Variants in PAH observed in about 807,000 individuals in gnomAD.
PAH encodes the protein phenylalanine-4-hydroxylase.
PAH carries 64 observed loss-of-function variants against 62.0 expected under a neutral mutation model. That is an observed-to-expected ratio of 1.03 (90% CI 0.84 to 1.27). PAH has a LOEUF of 1.27. PAH is among the 50% of genes most tolerant of loss of function. The pLI, the probability that PAH is intolerant of heterozygous loss-of-function variation, is 0.00. For synonymous variants in PAH, 195 were observed against 196.2 expected (o/e 0.99, Z 0.05); for missense variants, 579 against 542.8 (o/e 1.07, Z -0.66).
At chr12:102,892,023 G>A (rs539044992) in intron 3 of PAH, among the ~76,000 whole-genome samples, 36 of 152,296 alleles carry the variant, frequency 2.4e-4, no homozygotes, top group Non-Finnish European at 4.4e-4. Flanking sequence ...GAAGCAGCTT[G>A]GGAGGCTGAA....
At chr12:102,905,985 C>T (rs917345567) in intron 2 of PAH, among the ~76,000 whole-genome samples, 3 of 152,018 alleles carry the variant, frequency 2.0e-5, no homozygotes, top group Non-Finnish European at 4.4e-5. Context: ...TTGTAACACA[C>T]ATAACAGTAT....
chr12:102,885,330 C>T (rs568256993), intron 3 of PAH, among the ~76,000 whole-genome samples: 2 of 152,364 alleles, frequency 1.3e-5, no homozygotes, highest in Non-Finnish European at 2.9e-5. Context: ...CTGACCCCAG[C>T]GACCCAGGCC....
intron 1 of PAH, among the ~76,000 whole-genome samples, chr12:102,941,704 A>G (rs74345887): frequency 0.032 from 4,809 of 152,202 alleles, 260 homozygotes; most frequent in African/African-American, 0.11. Context: ...CAAAAATAGC[A>G]GGAAACTATC....
At chr12:102,851,859 C>G (rs182271873) in intron 7 of PAH, 103 bp from the exon 8 acceptor site, 16 of 845,770 alleles carry the variant, frequency 1.9e-5, no homozygotes, top group Middle Eastern at 2.2e-4. Context: ...GGAAATAACT[C>G]TTTTAGGCTT....
At chr12:102,917,648 C>G, upstream of PAH, 1 of 213,738 alleles carries the variant, frequency 4.7e-6, no homozygotes, top group South Asian at 8.0e-5. Flanking sequence ...TGTTGTTTTC[C>G]CTTCTGTTAA....
intron 2 of PAH, among the ~76,000 whole-genome samples, chr12:102,898,613 A>G (rs1877608330): frequency 6.6e-6 from 1 of 152,184 alleles, no homozygotes; most frequent in Non-Finnish European, 1.5e-5. Context: ...CTTAAGTAAC[A>G]CTTTATAGTA....
intron 4 of PAH, among the ~76,000 whole-genome samples, chr12:102,875,901 C>T (rs1269686355): frequency 6.6e-6 from 1 of 150,420 alleles, no homozygotes; most frequent in Non-Finnish European, 1.5e-5. Context: ...CACACACACA[C>T]ATATTTGTGT....
intron 1 of PAH, among the ~76,000 whole-genome samples, chr12:102,937,650 T>C (rs914711656): frequency 1.3e-5 from 2 of 152,198 alleles, no homozygotes; most frequent in African/African-American, 4.8e-5. Flanking sequence ...GTTGTAGTTA[T>C]TATTTTTTAT....
At chr12:102,893,719 T>C (rs369987550) in intron 3 of PAH, among the ~76,000 whole-genome samples, 2 of 152,224 alleles carry the variant, frequency 1.3e-5, no homozygotes, top group Non-Finnish European at 2.9e-5. Flanking sequence ...CCACAGTCTA[T>C]TCAACTTCAA....
rs1041482833 is a variant in PAH at position 102,883,670 on chromosome 12, C to T, written c.353-6120G>A. Among the ~76,000 whole-genome samples the T allele has an allele frequency of 2.0e-4, 30 of 152,272 alleles. 1 individual carries two copies. Among genetic ancestry groups the T allele is most frequent in the Middle Eastern group, 3.4e-3 (1 of 294 alleles). Reference sequence around the variant, plus strand: ...TTGTCGCAGAGGCTGTGAGGGACCCCGAGGTAGCACTGCGAGGCTGCAGGG... The same window carrying T: ...TTGTCGCAGAGGCTGTGAGGGACCCTGAGGTAGCACTGCGAGGCTGCAGGG... On this transcript the variant is annotated intron_variant, in intron 3 of 12. Transcript: ENST00000553106.
At chr12:102,927,148 C>G (rs17842950) in intron 1 of PAH, among the ~76,000 whole-genome samples, 22,841 of 151,932 alleles carry the variant, frequency 0.15, 1,781 homozygotes, top group African/African-American at 0.16. Context: ...GACATCAAAT[C>G]CAAAGTTATC....
chr12:102,869,275 C>G (rs906607006), intron 4 of PAH, among the ~76,000 whole-genome samples: 1 of 152,122 alleles, frequency 6.6e-6, no homozygotes, highest in African/African-American at 2.4e-5. Flanking sequence ...TAATGTAATA[C>G]TGTATACCCA....
chr12:102,958,433 G>C (rs376318467), upstream of PAH: 3,658 of 1,551,334 alleles, frequency 2.4e-3, 88 homozygotes, highest in African/African-American at 0.046. Context: ...AGCAGCAGGC[G>C]CCGCAGCTGA....
intron 3 of PAH, among the ~76,000 whole-genome samples, chr12:102,888,759 C>T (rs1406371328): frequency 6.6e-6 from 1 of 151,722 alleles, no homozygotes; most frequent in African/African-American, 2.4e-5. Context: ...AGTGACCTCC[C>T]CAGCTGCCAG....
intron 5 of PAH, 29 bp from the exon 6 acceptor site, chr12:102,855,361 C>T: frequency 6.2e-7 from 1 of 1,602,288 alleles, no homozygotes; most frequent in Non-Finnish European, 8.5e-7. Flanking sequence ...ATAGGTGTCT[C>T]AAGCAGGGCA....
chr12:102,945,936 T>C (rs763372435), intron 1 of PAH: 2 of 152,192 alleles, frequency 1.3e-5, no homozygotes, highest in Non-Finnish European at 2.9e-5. Flanking sequence ...CCATGGAATA[T>C]ACTACCTGGT....
intron 2 of PAH, among the ~76,000 whole-genome samples, 176 bp downstream of exon 2, chr12:102,912,615 G>C (rs1878244219): frequency 6.6e-6 from 1 of 152,150 alleles, no homozygotes; most frequent in Admixed American, 6.5e-5. Flanking sequence ...AAAAACTGAA[G>C]CTCAGAGAGA....
chr12:102,927,009 AC>A (rs755034216), intron 1 of PAH, among the ~76,000 whole-genome samples: 1 of 147,942 alleles, frequency 6.8e-6, no homozygotes, highest in Non-Finnish European at 1.5e-5. Flanking sequence ...ACTGACTATT[AC>A]TATGGTAGCA....
upstream of PAH, among the ~76,000 whole-genome samples, chr12:102,952,829 A>G (rs184854188): frequency 6.6e-6 from 1 of 152,358 alleles, no homozygotes; most frequent in Non-Finnish European, 1.5e-5. Flanking sequence ...TGAATTCCTT[A>G]ATGCAGGTGC....
Sources: gnomAD v4.1 joint callset for allele counts (sites outside exome capture counted in the v4.1 genomes callset) on GRCh38, gnomAD v4.1.1 for gene constraint, MANE v1.5 for transcripts, NCBI Gene and HGNC (gene_info 2026-07-23, HGNC 2026-07-21) for gene names.